The following COL11A2 variants were observed in gnomAD, a reference collection of about 807,000 sequenced individuals.
The protein encoded by COL11A2 is collagen type XI alpha 2 chain.
In COL11A2, 116 loss-of-function variants were observed where a neutral mutation model predicts 273.4. That is an observed-to-expected ratio of 0.42 (90% confidence interval 0.36 to 0.49). COL11A2 has a LOEUF of 0.49. Ranked by LOEUF, COL11A2 falls within the 20% of genes least tolerant of loss-of-function variation. The pLI is 0.00. For missense variants in COL11A2, 1,866 were observed against 2,309.0 expected, an observed-to-expected ratio of 0.81 and a Z score of 3.93; for synonymous variants, 782 against 864.2, an observed-to-expected ratio of 0.90 and a Z score of 1.67.
intron 42 of COL11A2, 66 bp downstream of exon 42, chr6:33,171,647 A>G: frequency 6.3e-7 from 1 of 1,596,246 alleles, no homozygotes; most frequent in Non-Finnish European, 8.6e-7. Flanking sequence ...GAAACTTGTC[A>G]TAGCCCATCA....
At chr6:33,175,167 GC>G (rs1185924634) in intron 30 of COL11A2, among the ~76,000 whole-genome samples, 1 of 152,214 alleles carries the variant, frequency 6.6e-6, no homozygotes, top group Admixed American at 6.5e-5. Context: ...TACGTCACAT[GC>G]CTACCTCATA....
Position 33,166,497 on chromosome 6 carries a change from C to G in COL11A2, c.4392+16G>C. The G allele has an allele frequency of 1.9e-6, 3 of 1,612,294 alleles. No individual in the cohort carries two copies. Among genetic ancestry groups the G allele is most frequent in the Non-Finnish European group, 2.5e-6 (3 of 1,179,062 alleles). On this transcript the variant is annotated intron_variant, in intron 60 of 65. Transcript: ENST00000341947. This position sits in a 1 kb window ranked among gnomAD's most constrained non-coding sequence, Gnocchi z 4.8. ...GGGTTTAGGGGATTTTGTGGAGGAACAGAGGCAGTACTCACGGGGAGGCCG... is the reference window on the plus strand; with the variant it reads ...GGGTTTAGGGGATTTTGTGGAGGAAGAGAGGCAGTACTCACGGGGAGGCCG...
intron 41 of COL11A2, 107 bp from the exon 42 acceptor site, chr6:33,171,927 G>T: frequency 6.5e-7 from 1 of 1,534,956 alleles, no homozygotes; most frequent in Non-Finnish European, 9.0e-7. Flanking sequence ...ATGCATTCTG[G>T]CTGTCCCTGG....
At position 33,176,840 on chromosome 6, in the gene COL11A2, A is replaced by C; in HGVS notation, c.2071-75T>G. 6.4e-7 allele frequency: 1 copy of C among 1,564,194 alleles called. No individual in the cohort carries two copies. The highest frequency in any genetic ancestry group is 2.3e-5 in the East Asian group (1 of 44,100). On this transcript the variant is annotated intron_variant, in intron 25 of 65. Coordinates refer to ENST00000341947, the MANE Select transcript of COL11A2 (RefSeq NM_080680.3). This position sits in a 1 kb window ranked among gnomAD's most constrained non-coding sequence, Gnocchi z 4.9. Reference sequence around the variant, plus strand: ...TGCACCCCTCCCTACACTTCTTCCAACCCAAATTTCCTGTGACCTAGTGAA... The same window carrying C: ...TGCACCCCTCCCTACACTTCTTCCACCCCAAATTTCCTGTGACCTAGTGAA...
At chr6:33,171,041 C>T (rs1769971611) in intron 45 of COL11A2, 73 bp downstream of exon 45, 3 of 1,579,386 alleles carry the variant, frequency 1.9e-6, no homozygotes, top group Non-Finnish European at 2.6e-6. Context: ...CACTCCCAGC[C>T]ACAAGGGCAG....
rs367984276 is a variant in COL11A2, at chr6:33,189,291, C to T, written c.232+29G>A. On this transcript the variant is annotated intron_variant, in intron 2 of 65. Transcript: ENST00000341947. The surrounding 1 kb of genome is among the most constrained non-coding windows in gnomAD (Gnocchi z 5.6). ...CTAGGCCCCATCCCATTACCTCCCC[C>T]CAGGCCTACCCCACCATGTCACCCA... is the stretch of plus-strand genomic sequence containing the variant. 12 of 1,614,072 alleles carry T rather than the reference C, an allele frequency of 7.4e-6. No homozygotes were observed. The highest frequency in any genetic ancestry group is 1.0e-5 in the Non-Finnish European group (12 of 1,180,016).
In COL11A2 at chr6:33,171,559, T is replaced by G. The variant is rs761869978; in HGVS notation, c.3166A>C (p.Ile1056Leu). 1 of 1,613,876 alleles carries G rather than the reference T, an allele frequency of 6.2e-7. No homozygotes were observed. The highest frequency in any genetic ancestry group is 1.7e-5 in the Admixed American group (1 of 60,006). Residue 1056 changes from isoleucine to leucine, a missense_variant, in exon 43 of 66, where the codon ATT becomes CTT. Transcript: ENST00000341947. ...ACTCCATCTCGGCCAGTCGGGCCAA[T>G]GGGGCCCTTCTCACCCTGTGGGACA... Reference protein sequence around the residue: ...EKGVPGEKGPIGPTGRDGVQG... With the variant: ...EKGVPGEKGPLGPTGRDGVQG...
intron 5 of COL11A2, 138 bp downstream of exon 5, chr6:33,186,489 C>T: frequency 1.3e-6 from 2 of 1,510,220 alleles, no homozygotes; most frequent in African/African-American, 2.8e-5. Context: ...AATAAAAAGG[C>T]TGATGAATGA....
chr6:33,177,902 T>G lies in COL11A2; in HGVS notation c.1873-196A>C. The G allele has an allele frequency of 1.3e-6, 1 of 778,040 alleles. No individual in the cohort carries two copies. 48.2% of individuals were successfully genotyped at this position (778,040 alleles called of 1,614,324 possible). A position where few individuals can be genotyped will look rare whatever the true frequency, so the allele number is the denominator to read the frequency against. ...TTGTGGGCTTTGGTTTTGTTTTTCT[T>G]GAAGATTTATTTCCTATGCCCAGAG... On this transcript the variant is annotated intron_variant, in intron 21 of 65. Transcript: ENST00000341947. The surrounding 1 kb of genome is among the most constrained non-coding windows in gnomAD (Gnocchi z 5.9).
chr6:33,166,918 C>G lies in COL11A2; in HGVS notation c.4231-91G>C. On this transcript the variant is annotated intron_variant, in intron 58 of 65. Coordinates refer to ENST00000341947, the MANE Select transcript of COL11A2 (RefSeq NM_080680.3). This position sits in a 1 kb window ranked among gnomAD's most constrained non-coding sequence, Gnocchi z 4.8. ...AAGAGGACATGGAGAGGGAGCCGGGCACAGGGTCCGTGAGTGGCCCTCACT... is the reference window on the plus strand; with the variant it reads ...AAGAGGACATGGAGAGGGAGCCGGGGACAGGGTCCGTGAGTGGCCCTCACT... 6.6e-7 allele frequency: 1 copy of G among 1,518,356 alleles called. No individual in the cohort carries two copies. Among genetic ancestry groups the G allele is most frequent in the Non-Finnish European group, 9.0e-7 (1 of 1,109,188 alleles). 94.1% of individuals were successfully genotyped at this position (1,518,356 alleles called of 1,614,324 possible).
rs1261343370 is a variant in COL11A2 at position 33,163,933 on chromosome 6, A to G, written c.5071-115T>C. ...CACCTTGGCCCCATCAGGGTGACTCAGGATGTACAGACTGGCAGTGTCTAT... is the reference window on the plus strand; with the variant it reads ...CACCTTGGCCCCATCAGGGTGACTCGGGATGTACAGACTGGCAGTGTCTAT... On this transcript the variant is annotated intron_variant, in intron 65 of 65. Coordinates refer to ENST00000341947, the MANE Select transcript of COL11A2 (RefSeq NM_080680.3). The surrounding 1 kb of genome is among the most constrained non-coding windows in gnomAD (Gnocchi z 4.1). 1.4e-6 allele frequency: 2 copies of G among 1,474,520 alleles called. No homozygotes were observed. Among genetic ancestry groups the G allele is most frequent in the East Asian group, 4.6e-5 (2 of 43,428 alleles). 91.3% of individuals were successfully genotyped at this position (1,474,520 alleles called of 1,614,324 possible).
Position 33,170,221 on chromosome 6 carries a change from G to C in COL11A2, c.3582+105C>G. The C allele has an allele frequency of 6.4e-7, 1 of 1,572,422 alleles. No homozygotes were observed. The highest frequency in any genetic ancestry group is 8.7e-7 in the Non-Finnish European group (1 of 1,145,406). On this transcript the variant is annotated intron_variant, in intron 48 of 65. Transcript: ENST00000341947. This position sits in a 1 kb window ranked among gnomAD's most constrained non-coding sequence, Gnocchi z 4.3. ...GGCAGTGGAGGCCTCCCGGGAGTAA[G>C]GGCTTCTCTTGGCCCCTGAGACGAT...
At position 33,165,976 on chromosome 6, in the gene COL11A2, G is replaced by T; in HGVS notation, c.4437C>A (p.Gly1479=). The T allele has an allele frequency of 6.2e-7, 1 of 1,613,994 alleles. No individual in the cohort carries two copies. Among genetic ancestry groups the T allele is most frequent in the South Asian group, 1.1e-5 (1 of 91,084 alleles). The stretch of plus-strand genomic sequence containing the variant: ...GCACACCCTTCTCTCCCTTGGGTCC[G>T]CCTGGGCCCTGACAAGGAATAAATC... ...PKGAKGATGP[G]GPKGEKGVQG... is the part of the protein sequence containing the mutation. Residue 1479 remains glycine, a synonymous_variant, in exon 62 of 66, where the codon GGC becomes GGA. Transcript: ENST00000341947. The surrounding 1 kb of genome is among the most constrained non-coding windows in gnomAD (Gnocchi z 7.7).
Position 33,169,310 on chromosome 6 carries a change from A to T in COL11A2, c.3798+73T>A. On this transcript the variant is annotated intron_variant, in intron 51 of 65. Transcript: ENST00000341947. This position sits in a 1 kb window ranked among gnomAD's most constrained non-coding sequence, Gnocchi z 5.5. ...TCCCCACACTCCAAGATCCTCCCTC[A>T]CACACACCCATATTCCCAGGTCTGT... is the stretch of plus-strand genomic sequence containing the variant. The T allele has an allele frequency of 7.3e-7, 1 of 1,367,516 alleles. No homozygotes were observed. Among genetic ancestry groups the T allele is most frequent in the Non-Finnish European group, 1.0e-6 (1 of 972,058 alleles). 84.7% of individuals were successfully genotyped at this position (1,367,516 alleles called of 1,614,324 possible). A position where few individuals can be genotyped will look rare whatever the true frequency, so the allele number is the denominator to read the frequency against.
chr6:33,170,728 G>A lies in COL11A2; in HGVS notation c.3474+82C>T. ...TCCGCAGGCCCTCCAGTCTGCATCGGCAGGCTGCTGGCAGAGTCTGGGGCA... is the reference window on the plus strand; with the variant it reads ...TCCGCAGGCCCTCCAGTCTGCATCGACAGGCTGCTGGCAGAGTCTGGGGCA... On this transcript the variant is annotated intron_variant, in intron 46 of 65. Transcript: ENST00000341947. This position sits in a 1 kb window ranked among gnomAD's most constrained non-coding sequence, Gnocchi z 4.3. 6.3e-7 allele frequency: 1 copy of A among 1,580,402 alleles called. No individual in the cohort carries two copies.
In COL11A2 at chr6:33,184,984, A is replaced by G. The variant is rs1554223902; in HGVS notation, c.939+8T>C. On this transcript the variant is annotated splice_region_variant and intron_variant, in intron 7 of 65. Transcript: ENST00000341947. ...CCCAGATGGGGTGAGGGTGGGGCAT[A>G]GAGTTACCTCCTCAAGGGGTGGCAA... 2.6e-6 allele frequency: 4 copies of G among 1,550,894 alleles called. No homozygotes were observed. The highest frequency in any genetic ancestry group is 3.5e-6 in the Non-Finnish European group (4 of 1,146,424).
chr6:33,166,854 G>A lies in COL11A2; in HGVS notation c.4231-27C>T, dbSNP rs1352287372. ...TAGAGAAGGGTGCAGGCAGTCAAGA[G>A]AATGCAAAGAGGAGTCATGTGGATG... On this transcript the variant is annotated intron_variant, in intron 58 of 65. Coordinates refer to ENST00000341947, the MANE Select transcript of COL11A2 (RefSeq NM_080680.3). The surrounding 1 kb of genome is among the most constrained non-coding windows in gnomAD (Gnocchi z 4.8). 2 of 1,609,214 alleles carry A rather than the reference G, an allele frequency of 1.2e-6. No individual in the cohort carries two copies. The highest frequency in any genetic ancestry group is 1.1e-5 in the South Asian group (1 of 90,698).
chr6:33,166,376 T>C lies in COL11A2; in HGVS notation c.4392+137A>G, dbSNP rs1769148494. The C allele has an allele frequency of 8.0e-7, 1 of 1,255,106 alleles. No individual in the cohort carries two copies. Among genetic ancestry groups the C allele is most frequent in the Non-Finnish European group, 1.1e-6 (1 of 895,888 alleles). The allele number at this position is 1,255,106 out of a possible 1,614,324, so 77.7% of individuals were successfully genotyped here. Reference sequence around the variant, plus strand: ...CCCTGGAAGTATGGGGAGGAGGTACTGGTGGTGACAGGACAAATGGGGGAC... The same window carrying C: ...CCCTGGAAGTATGGGGAGGAGGTACCGGTGGTGACAGGACAAATGGGGGAC... On this transcript the variant is annotated intron_variant, in intron 60 of 65. Transcript: ENST00000341947. The surrounding 1 kb of genome is among the most constrained non-coding windows in gnomAD (Gnocchi z 4.8).
In COL11A2 at chr6:33,167,659, G is replaced by A. The variant is rs947108207; in HGVS notation, c.4015-126C>T. 10 of 1,458,532 alleles carry A rather than the reference G, an allele frequency of 6.9e-6. No homozygotes were observed. The highest frequency in any genetic ancestry group is 5.7e-5 in the Admixed American group (3 of 52,700). The allele number at this position is 1,458,532 out of a possible 1,614,324, so 90.3% of individuals were successfully genotyped here. ...CCAAACTCTAGGAGCCCCTAGCGCA[G>A]GAACAAGTACAGGGAACGCCTGTCC... On this transcript the variant is annotated intron_variant, in intron 55 of 65. Transcript: ENST00000341947. The surrounding 1 kb of genome is among the most constrained non-coding windows in gnomAD (Gnocchi z 6.1).
Sources: gnomAD v4.1 joint callset for allele counts (sites outside exome capture counted in the v4.1 genomes callset) on GRCh38, gnomAD v4.1.1 for gene constraint, Gnocchi (gnomAD v3.1) non-coding constraint, MANE v1.5 for transcripts, NCBI Gene and HGNC (gene_info 2026-07-23, HGNC 2026-07-21) for gene names.